STAT6: variants seen among roughly 807,000 people sequenced by gnomAD.
The protein encoded by STAT6 is signal transducer and activator of transcription 6, also known as STAT, interleukin4-induced.
A neutral mutation model predicts 106.3 loss-of-function variants in STAT6; 45 were observed. The ratio of observed to expected loss-of-function variants is 0.42; its 90% CI spans 0.33 to 0.54. The LOEUF (loss-of-function observed/expected upper bound fraction) is 0.54, where lower values mean the gene tolerates loss of function less well. Among genes scored for constraint, STAT6 ranks in the 20% least tolerant of loss-of-function variants. The probability of loss-of-function intolerance (pLI) is 0.06; values close to 1 mark genes in which losing one functional copy is unlikely to be tolerated. For synonymous variants in STAT6, 413 were observed against 413.6 expected (o/e 1.00, Z 0.02); for missense variants, 797 against 1,062.2 (o/e 0.75, Z 3.47).
chr12:57,102,258 G>C (rs764270193), intron 13 of STAT6, 32 bp downstream of exon 13: 9 of 1,611,648 alleles, frequency 5.6e-6, no homozygotes, highest in Non-Finnish European at 7.6e-6. Flanking sequence ...GAAGAGCTTG[G>C]GGGTGGGAGG....
rs199721908 is a variant in STAT6 at position 57,102,481 on chromosome 12, C to A, written c.1321G>T (p.Val441Leu). The A allele has an allele frequency of 1.9e-6, 3 of 1,613,698 alleles. No homozygotes were observed. The African/African-American group carries it at 4.0e-5, about 22-fold the overall frequency. The change falls in exon 13 of 22, where the codon GTG becomes TTG. Residue 441 changes from valine (V) to leucine (L), a missense_variant. Transcript: ENST00000300134. ...TCCCAGGGCACCCGCTCAGCCACCA[C>A]AAAGGGCACGCGGTCCTGGGGAGAA... ...AFSEMDRVPFVVAERVPWEKM... is the reference protein window; with the variant it reads ...AFSEMDRVPFLVAERVPWEKM...
chr12:57,109,195 C>T (rs1422845835), intron 1 of STAT6, among the ~76,000 whole-genome samples: 1 of 151,896 alleles, frequency 6.6e-6, no homozygotes, highest in African/African-American at 2.4e-5. Flanking sequence ...GAGAGAGACT[C>T]TGCCTCAAAA....
intron 11 of STAT6, chr12:57,104,092 G>A (rs1312207261): frequency 8.6e-6 from 2 of 231,792 alleles, no homozygotes; most frequent in South Asian, 1.2e-4. Context: ...TGTGTGACTG[G>A]GACAAACTAC....
intron 7 of STAT6, 129 bp downstream of exon 7, chr12:57,106,061 TG>T: frequency 6.8e-7 from 1 of 1,472,318 alleles, no homozygotes; most frequent in South Asian, 1.3e-5. Flanking sequence ...CCGCTGGAAC[TG>T]GCTTTTATGC....
rs1403765022 is a variant in STAT6, at chr12:57,100,684, GAAAGAAAGAAAGAAAGAGAA to G, written c.1513-614_1513-595del. On this transcript the variant is annotated intron_variant, in intron 13 of 21. Transcript: ENST00000300134. The stretch of plus-strand genomic sequence containing the variant: ...AGAAAGAAAGAAAGAAAGAAAGAAA[GAAAGAAAGAAAGAAAGAGAA>G]AGAAAGAAAGAAAGAAAGAAAGAAA... Among the ~76,000 whole-genome samples, 289 of 66,076 alleles carry G rather than the reference GAAAGAAAGAAAGAAAGAGAA, an allele frequency of 4.4e-3. 1 individual carries two copies. Among genetic ancestry groups the G allele is most frequent in the East Asian group, 5.8e-3 (16 of 2,766 alleles). 43.3% of individuals were successfully genotyped at this position (66,076 alleles called of 152,430 possible).
rs2033724710 is a variant in STAT6 at position 57,100,108 on chromosome 12, A to T, written c.1513-18T>A. ...AGGATCTCCTAGGGGGAGAGGGGGA[A>T]AGGTGTGAGCCGAGGGAGGGCCAGA... is the stretch of plus-strand genomic sequence containing the variant. On this transcript the variant is annotated intron_variant, in intron 13 of 21. Transcript: ENST00000300134. 1 of 1,577,250 alleles carries T rather than the reference A, an allele frequency of 6.3e-7. No homozygotes were observed. Among genetic ancestry groups the T allele is most frequent in the Non-Finnish European group, 8.6e-7 (1 of 1,161,550 alleles).
intron 7 of STAT6, 192 bp downstream of exon 7, chr12:57,105,999 T>C (rs2034250980): frequency 2.1e-6 from 2 of 944,366 alleles, no homozygotes; most frequent in South Asian, 1.8e-5. Flanking sequence ...CTTGTGCCCC[T>C]CCACTAGGCC....
rs1416390480 is a variant in STAT6 at position 57,104,804 on chromosome 12, A to T, written c.1011T>A (p.Thr337=). The change falls in exon 10 of 22, where the codon ACT becomes ACA. Residue 337 remains threonine, a synonymous_variant. Coordinates refer to ENST00000300134, the MANE Select transcript of STAT6 (RefSeq NM_003153.5). ...GCACAGTGTTGTTGATGATTTCTCC[A>T]GTGCTTTCTCTGCCAGGGGAGGTCA... ...PQGPGAGAES[T]GEIINNTVPL... 6.2e-7 allele frequency: 1 copy of T among 1,613,986 alleles called. No individual in the cohort carries two copies. Among genetic ancestry groups the T allele is most frequent in the East Asian group, 2.2e-5 (1 of 44,886 alleles).
At chr12:57,104,871 GTGC>G (rs1374802157) in intron 9 of STAT6, 58 bp from the exon 10 acceptor site, 3 of 1,582,264 alleles carry the variant, frequency 1.9e-6, no homozygotes, top group Non-Finnish European at 2.6e-6. Flanking sequence ...GGTGTGGCGA[GTGC>G]ATGGGTGAGT....
chr12:57,106,983 C>T (rs2034321803), intron 4 of STAT6, 152 bp from the exon 5 acceptor site: 2 of 1,295,162 alleles, frequency 1.5e-6, no homozygotes, highest in Non-Finnish European at 2.1e-6. Context: ...GGAGATAAGA[C>T]CTTGCTCCTA....
At chr12:57,097,460 C>T (rs376553220) in intron 19 of STAT6, among the ~76,000 whole-genome samples, 2 of 152,074 alleles carry the variant, frequency 1.3e-5, no homozygotes, top group African/African-American at 2.4e-5. Flanking sequence ...TGTCATACTT[C>T]GGGAAGAAAA....
intron 12 of STAT6, 42 bp from the exon 13 acceptor site, chr12:57,102,538 C>A: frequency 6.3e-7 from 1 of 1,597,936 alleles, no homozygotes; most frequent in Non-Finnish European, 8.5e-7. Flanking sequence ...AGGCTACCGT[C>A]TTGTTATTCC....
At chr12:57,100,643 A>G (rs528120947) in intron 13 of STAT6, among the ~76,000 whole-genome samples, 1 of 70,770 alleles carries the variant, frequency 1.4e-5, no homozygotes, top group Non-Finnish European at 2.8e-5. Flanking sequence ...AGAAAGAGAA[A>G]GAAAGAAAGA....
In STAT6 at chr12:57,102,303, G is replaced by A. The variant is rs780516751; in HGVS notation, c.1499C>T (p.Ser500Leu). The change falls in exon 13 of 22, where the codon TCG (serine) becomes TTG (leucine). Residue 500 changes from serine to leucine, a missense_variant. Ser to Leu is a moderately radical substitution (Grantham distance 145). Coordinates refer to ENST00000300134, the MANE Select transcript of STAT6 (RefSeq NM_003153.5). The part of the protein sequence containing the change: ...EAFQHRSVSW[S>L]QFNKEILLGR... The stretch of plus-strand genomic sequence containing the variant: ...CAGGAGAATGACCTTGTTGAACTGC[G>A]ACCAGGACACAGAACGGTGCTGGAA... 13 of 1,613,948 alleles carry A rather than the reference G, an allele frequency of 8.1e-6. No homozygotes were observed. The South Asian group carries it at 1.2e-4, about 15-fold the overall frequency.
At position 57,099,200 on chromosome 12, in the gene STAT6, A is replaced by C; in HGVS notation, c.1891+94T>G. 1 of 1,599,414 alleles carries C rather than the reference A, an allele frequency of 6.3e-7. No homozygotes were observed. The highest frequency in any genetic ancestry group is 1.7e-4 in the Middle Eastern group (1 of 5,968). On this transcript the variant is annotated intron_variant, in intron 16 of 21. Transcript: ENST00000300134. This position sits in a 1 kb window ranked among gnomAD's most constrained non-coding sequence, Gnocchi z 4.7. ...GCACAGCTATGAAATAGGGAGTGAC[A>C]TCAGGATGACACGCGGGCAGGGAGA...
chr12:57,107,887 T>G, intron 2 of STAT6, 144 bp from the exon 3 acceptor site: 1 of 1,227,792 alleles, frequency 8.1e-7, no homozygotes, highest in Non-Finnish European at 1.1e-6. Flanking sequence ...CCCATGCGCC[T>G]TGTTTCCCAG....
rs962259471 is a variant in STAT6, at chr12:57,099,552, G to T, written c.1745-112C>A. On this transcript the variant is annotated intron_variant, in intron 15 of 21. Transcript: ENST00000300134. This position sits in a 1 kb window ranked among gnomAD's most constrained non-coding sequence, Gnocchi z 4.7. The stretch of plus-strand genomic sequence containing the variant: ...ACCAAGGCAAGGGAGAGAGGACCTA[G>T]GGTGGGGCTCCTGAGGGAGAGAGAC... The T allele has an allele frequency of 6.7e-7, 1 of 1,489,388 alleles. No homozygotes were observed. Among genetic ancestry groups the T allele is most frequent in the Non-Finnish European group, 9.2e-7 (1 of 1,090,640 alleles). The allele number at this position is 1,489,388 out of a possible 1,614,324, so 92.3% of individuals were successfully genotyped here. A position where few individuals can be genotyped will look rare whatever the true frequency, so the allele number is the denominator to read the frequency against.
At chr12:57,097,783 C>T (rs145752459) in intron 19 of STAT6, among the ~76,000 whole-genome samples, 97 of 152,032 alleles carry the variant, frequency 6.4e-4, no homozygotes, top group African/African-American at 1.4e-3. Context: ...AAGAATTAGC[C>T]GAGTGTCGTG....
At chr12:57,096,782 C>T (rs1592541169) in intron 21 of STAT6, 21 bp from the exon 22 acceptor site, 1 of 1,613,280 alleles carries the variant, frequency 6.2e-7, no homozygotes, top group African/African-American at 1.3e-5. Flanking sequence ...ATGGGAGAAG[C>T]AGTGGAGTAG....
Sources: gnomAD v4.1 joint callset for allele counts (sites outside exome capture counted in the v4.1 genomes callset) on GRCh38, gnomAD v4.1.1 for gene constraint, Gnocchi (gnomAD v3.1) non-coding constraint, MANE v1.5 for transcripts, NCBI Gene and HGNC (gene_info 2026-07-23, HGNC 2026-07-21) for gene names.